FKBP6: variants seen among roughly 807,000 people sequenced by gnomAD.
The protein encoded by FKBP6 is FKBP prolyl isomerase family member 6 (inactive).
FKBP6 carries 29 observed loss-of-function variants against 41.7 expected under a neutral mutation model. That is an observed-to-expected ratio of 0.70 (90% CI 0.52 to 0.95). FKBP6 has a LOEUF of 0.95. FKBP6 is among the 40% of genes least tolerant of loss of function. The pLI is 0.00. For synonymous variants in FKBP6, 130 were observed against 165.1 expected, an observed-to-expected ratio of 0.79 and a Z score of 1.63; for missense variants, 338 against 408.7, an observed-to-expected ratio of 0.83 and a Z score of 1.49.
intron 8 of FKBP6, among the ~76,000 whole-genome samples, chr7:73,355,615 T>C (rs1008266209): frequency 1.3e-5 from 2 of 151,658 alleles, no homozygotes; most frequent in African/African-American, 4.8e-5. Context: ...AAACTTGTCA[T>C]TATGGACATT....
intron 3 of FKBP6, chr7:73,329,877 G>A (rs1313735960): frequency 1.2e-4 from 66 of 558,796 alleles, no homozygotes; most frequent in African/African-American, 1.1e-3. Context: ...CAGTGTTGTG[G>A]GTGTGCTTAA....
Position 73,331,567 on chromosome 7 carries a change from C to T in FKBP6, c.469-90C>T, listed in dbSNP as rs574365118. 6.5e-6 allele frequency: 9 copies of T among 1,383,886 alleles called. No individual in the cohort carries two copies. In the East Asian group the frequency reaches 6.9e-5, roughly 11 times the overall value. 85.7% of individuals were successfully genotyped at this position (1,383,886 alleles called of 1,614,324 possible). ...CTCACTATGTTGCCCAGGCTGGTCT[C>T]GAACTCCTGGGCTCACGTGTACTAA... On this transcript the variant is annotated intron_variant, in intron 4 of 8. Transcript: ENST00000252037.
At chr7:73,328,992 T>G (rs1298899295) in intron 2 of FKBP6, among the ~76,000 whole-genome samples, 1 of 151,892 alleles carries the variant, frequency 6.6e-6, no homozygotes, top group African/African-American at 2.4e-5. Flanking sequence ...TTTTTGTAGA[T>G]ATGGGGGACT....
At position 73,340,809 on chromosome 7, in the gene FKBP6, A is replaced by T; in HGVS notation, c.760A>T (p.Lys254Ter). The change falls in exon 6 of 9, where the codon AAG (lysine) becomes TAG (stop). Residue 254 changes from lysine (K) to a stop codon, truncating the protein, a stop_gained. Coordinates refer to ENST00000252037, the MANE Select transcript of FKBP6 (RefSeq NM_003602.5). LOFTEE classifies it high-confidence loss of function. ...TTTGATCATTGACCAAAAGAATGCC[A>T]AGGCCCTCTTCAGGTGTGGACAGGT... The part of the protein sequence containing the change: ...QALIIDQKNA[K>*]ALFRCGQACL... 6.2e-7 allele frequency: 1 copy of T among 1,614,040 alleles called. No homozygotes were observed.
intron 8 of FKBP6, among the ~76,000 whole-genome samples, chr7:73,351,293 G>T (rs538872508): frequency 6.6e-6 from 1 of 152,106 alleles, no homozygotes; most frequent in African/African-American, 2.4e-5. Flanking sequence ...GCCTCCCAAC[G>T]TGCTGGGATT....
intron 8 of FKBP6, among the ~76,000 whole-genome samples, chr7:73,355,630 A>G (rs782414933): frequency 2.5e-4 from 38 of 150,578 alleles, no homozygotes; most frequent in Non-Finnish European, 4.9e-4. Flanking sequence ...GACATTTTCA[A>G]ACGTCTCCAA....
intron 8 of FKBP6, among the ~76,000 whole-genome samples, chr7:73,350,463 C>T (rs532261165): frequency 5.3e-4 from 81 of 152,166 alleles, no homozygotes; most frequent in African/African-American, 1.9e-3. Context: ...TATTCAGCTG[C>T]TGTATTCAGG....
rs1216896736 is a variant in FKBP6 at position 73,331,744 on chromosome 7, C to T, written c.556C>T (p.Arg186Cys). The part of the protein sequence containing the change: ...EFGNYLFRQN[R>C]FYDAKVRYKR... ...TGGCAACTACCTTTTCCGCCAGAAT[C>T]GTTTCTATGATGCCAAAGTGAGATA... Residue 186 changes from arginine (R) to cysteine (C), a missense_variant, in exon 5 of 9, where the codon CGT becomes TGT. Transcript: ENST00000252037. 10 of 1,613,714 alleles carry T rather than the reference C, an allele frequency of 6.2e-6. No homozygotes were observed. Among genetic ancestry groups the T allele is most frequent in the African/African-American group, 4.0e-5 (3 of 74,896 alleles).
Position 73,329,440 on chromosome 7 carries a change from C to G in FKBP6, c.256C>G (p.Leu86Val). The G allele has an allele frequency of 6.3e-7, 1 of 1,590,038 alleles. No homozygotes were observed. Among genetic ancestry groups the G allele is most frequent in the South Asian group, 1.1e-5 (1 of 90,628 alleles). Residue 86 changes from leucine to valine, a missense_variant, in exon 3 of 9, where the codon CTT (leucine) becomes GTT (valine). Leu to Val is a conservative substitution (Grantham distance 32). This residue lies in a region of FKBP6 where 99 missense variants were observed against 158.6 expected (regional missense o/e 0.62). Coordinates refer to ENST00000252037, the MANE Select transcript of FKBP6 (RefSeq NM_003602.5). ...TAGGAAAACTCCTCGGCTAATGAAACTTGGAGAGGGTAGGTTCAGAGTGGG... is the reference window on the plus strand; with the variant it reads ...TAGGAAAACTCCTCGGCTAATGAAAGTTGGAGAGGGTAGGTTCAGAGTGGG... ...YFRKTPRLMKLGEDITLWGME... is the reference protein window; with the variant it reads ...YFRKTPRLMKVGEDITLWGME...
chr7:73,342,968 A>C (rs1805235724), intron 8 of FKBP6, 69 bp downstream of exon 8: 1 of 1,051,132 alleles, frequency 9.5e-7, no homozygotes, highest in Non-Finnish European at 1.5e-6. Flanking sequence ...TCCACCCCCA[A>C]GTGAATGGTG....
At chr7:73,350,538 C>G (rs879949187) in intron 8 of FKBP6, among the ~76,000 whole-genome samples, 6 of 152,106 alleles carry the variant, frequency 3.9e-5, no homozygotes, top group Non-Finnish European at 8.8e-5. Context: ...GAAATTCCCC[C>G]CTCCTTTGCT....
chr7:73,350,005 C>T (rs1290233311), intron 8 of FKBP6, among the ~76,000 whole-genome samples: 1 of 152,148 alleles, frequency 6.6e-6, no homozygotes, highest in Non-Finnish European at 1.5e-5. Context: ...CAAAGAAACA[C>T]CCATCATTTC....
chr7:73,357,806 G>A (rs1408370970), intron 8 of FKBP6, among the ~76,000 whole-genome samples: 5 of 151,692 alleles, frequency 3.3e-5, no homozygotes, highest in South Asian at 4.2e-4. Flanking sequence ...CCAACATGAC[G>A]AAATCCTGTC....
At position 73,342,858 on chromosome 7, in the gene FKBP6, C is replaced by A; in HGVS notation, c.945C>A (p.Phe315Leu). ...AGAAAGAAATGTGGCACCGCATGTTCGCGCCCTGTGGCGATGGTTCTACAG... is the reference window on the plus strand; with the variant it reads ...AGAAAGAAATGTGGCACCGCATGTTAGCGCCCTGTGGCGATGGTTCTACAG... ...DKEKEMWHRM[F>L]APCGDGSTAG... Residue 315 changes from phenylalanine to leucine, a missense_variant, in exon 8 of 9, where the codon TTC becomes TTA. Physicochemically the swap from Phe to Leu is conservative, Grantham distance 22. Transcript: ENST00000252037. The A allele has an allele frequency of 6.2e-7, 1 of 1,614,040 alleles. No homozygotes were observed. Among genetic ancestry groups the A allele is most frequent in the South Asian group, 1.1e-5 (1 of 91,072 alleles).
intron 6 of FKBP6, among the ~76,000 whole-genome samples, 172 bp downstream of exon 6, chr7:73,341,004 A>G (rs1287297483): frequency 6.8e-6 from 1 of 147,670 alleles, no homozygotes; most frequent in Non-Finnish European, 1.5e-5. Flanking sequence ...GCTCGCTGCA[A>G]CCTCCGCTTC....
chr7:73,329,479 G>A, intron 3 of FKBP6, 30 bp downstream of exon 3: 1 of 1,365,760 alleles, frequency 7.3e-7, no homozygotes, highest in African/African-American at 1.4e-5. Context: ...TGGAGAAGAA[G>A]GAATTGTTTA....
chr7:73,351,484 G>C (rs541192346), intron 8 of FKBP6, among the ~76,000 whole-genome samples: 2 of 152,258 alleles, frequency 1.3e-5, no homozygotes, highest in Admixed American at 1.3e-4. Context: ...CAGGCAAACT[G>C]TGTGACCTGG....
chr7:73,332,740 T>A (rs1804887711), intron 5 of FKBP6, among the ~76,000 whole-genome samples: 2 of 152,198 alleles, frequency 1.3e-5, no homozygotes, highest in African/African-American at 4.8e-5. Flanking sequence ...TCCATCTCAC[T>A]GCTCTAAAAC....
chr7:73,332,106 T>G (rs1804863600), intron 5 of FKBP6, among the ~76,000 whole-genome samples: 1 of 152,102 alleles, frequency 6.6e-6, no homozygotes, highest in Admixed American at 6.5e-5. Flanking sequence ...CCTCGTGATC[T>G]GCCCACCTCG....
Sources: gnomAD v4.1 joint callset for allele counts (sites outside exome capture counted in the v4.1 genomes callset) on GRCh38, gnomAD v4.1.1 for gene constraint, gnomAD v4.1.1 regional missense constraint, MANE v1.5 for transcripts, NCBI Gene and HGNC (gene_info 2026-07-23, HGNC 2026-07-21) for gene names.